The following TJP1 variants were observed in gnomAD, a reference collection of about 807,000 sequenced individuals.
TJP1 encodes tight junction protein ZO-1.
TJP1 carries 43 observed loss-of-function variants against 194.2 expected under a neutral mutation model. The observed-to-expected ratio is 0.22, with a 90% CI of 0.17 to 0.29. The LOEUF (loss-of-function observed/expected upper bound fraction) is 0.29, where lower values mean the gene tolerates loss of function less well. Ranked by LOEUF, TJP1 falls within the 10% of genes least tolerant of loss-of-function variation. The pLI is 1.00. For missense variants in TJP1, 1,971 were observed against 2,185.7 expected (o/e 0.90, Z 1.96); for synonymous variants, 801 against 779.0 (o/e 1.03, Z -0.47).
chr15:29,711,980 TA>T (rs2042272238), intron 23 of TJP1, among the ~76,000 whole-genome samples: 1 of 152,252 alleles, frequency 6.6e-6, no homozygotes, highest in African/African-American at 2.4e-5. Context: ...GATCCTGCTT[TA>T]TTTTACAAGG....
intron 2 of TJP1, among the ~76,000 whole-genome samples, chr15:29,792,421 T>C (rs2048154570): frequency 6.6e-6 from 1 of 152,206 alleles, no homozygotes; most frequent in Non-Finnish European, 1.5e-5. Flanking sequence ...TGTGGATTTT[T>C]TTCTGGGCTC....
intron 2 of TJP1, among the ~76,000 whole-genome samples, chr15:29,874,393 G>A (rs931079452): frequency 1.1e-4 from 16 of 152,246 alleles, no homozygotes; most frequent in East Asian, 5.8e-4. Context: ...CAGTAAGGGC[G>A]GAGGGCAAAC....
At chr15:29,807,398 G>A (rs1285894956) in intron 1 of TJP1, among the ~76,000 whole-genome samples, 3 of 152,150 alleles carry the variant, frequency 2.0e-5, no homozygotes, top group Middle Eastern at 3.2e-3. Context: ...AATCTAGAGT[G>A]CTTTCAAGTT....
At chr15:29,720,953 C>A (rs2042892882) in intron 18 of TJP1, among the ~76,000 whole-genome samples, 1 of 152,148 alleles carries the variant, frequency 6.6e-6, no homozygotes, top group Non-Finnish European at 1.5e-5. Flanking sequence ...CAAAGTTAGA[C>A]TCCAGGGCCC....
rs200176897 is a variant in TJP1 at position 29,705,739 on chromosome 15, T to C, written c.4857A>G (p.Ser1619=). 45 of 1,613,962 alleles carry C rather than the reference T, an allele frequency of 2.8e-5. No individual in the cohort carries two copies. Among genetic ancestry groups the C allele is most frequent in the Middle Eastern group, 3.3e-4 (2 of 6,084 alleles). Residue 1619 remains serine (S), a synonymous_variant, in exon 26 of 28, where the codon TCA becomes TCG. Coordinates refer to ENST00000614355, the MANE Select transcript of TJP1 (RefSeq NM_001330239.4). ...CTTCATCTTCATCCTCTTCCACAGC[T>C]GAAGGACTGAAAGTTCAGAAATGGC... ...TVPKAIPVSP[S]AVEEDEDEDG...
chr15:29,727,400 A>G (rs989915131), intron 16 of TJP1, among the ~76,000 whole-genome samples: 1 of 152,192 alleles, frequency 6.6e-6, no homozygotes, highest in Non-Finnish European at 1.5e-5. Context: ...ACATTCAGAA[A>G]AAGTCAAAAG....
At chr15:29,967,189 T>A (rs1332220530) in intron 1 of TJP1, among the ~76,000 whole-genome samples, 1 of 151,870 alleles carries the variant, frequency 6.6e-6, no homozygotes, top group Non-Finnish European at 1.5e-5. Context: ...AATTTTGTAT[T>A]TTTTTGGTTT....
At chr15:29,788,890 G>A (rs1416717586) in intron 2 of TJP1, among the ~76,000 whole-genome samples, 2 of 152,088 alleles carry the variant, frequency 1.3e-5, no homozygotes, top group Non-Finnish European at 2.9e-5. Context: ...CAGGAGAGGT[G>A]AACACATGTG....
chr15:29,803,959 C>T (rs2048953137), intron 1 of TJP1, among the ~76,000 whole-genome samples: 1 of 151,698 alleles, frequency 6.6e-6, no homozygotes, highest in Non-Finnish European at 1.5e-5. Flanking sequence ...TGGTTAGGCT[C>T]TTGACCAGCC....
intron 2 of TJP1, among the ~76,000 whole-genome samples, chr15:29,928,514 A>G (rs1417718780): frequency 1.3e-5 from 2 of 152,218 alleles, no homozygotes; most frequent in African/African-American, 4.8e-5. Context: ...CAGTGACTCT[A>G]TGGCAAGGTT....
At chr15:29,961,393 C>CT (rs1228812076) in intron 1 of TJP1, among the ~76,000 whole-genome samples, 2 of 123,572 alleles carry the variant, frequency 1.6e-5, no homozygotes, top group African/African-American at 6.1e-5. Flanking sequence ...CCAGGCCGGA[C>CT]TGCGGACTGC....
intron 2 of TJP1, among the ~76,000 whole-genome samples, chr15:29,898,795 T>C (rs188944535): frequency 2.6e-5 from 4 of 152,336 alleles, no homozygotes. Flanking sequence ...AAATTCAACA[T>C]ACTTTTTCAC....
At chr15:29,712,136 G>A (rs1428737342) in intron 23 of TJP1, among the ~76,000 whole-genome samples, 1 of 152,174 alleles carries the variant, frequency 6.6e-6, no homozygotes, top group African/African-American at 2.4e-5. Context: ...TGCCAAAGCT[G>A]CACTAGCTTT....
chr15:29,800,806 C>A (rs2048734107), intron 1 of TJP1, 104 bp from the exon 2 acceptor site: 2 of 1,123,452 alleles, frequency 1.8e-6, no homozygotes, highest in Admixed American at 2.0e-5. Context: ...TACCAAAATT[C>A]ACAGTTAATA....
At chr15:29,957,295 T>C (rs2152315395) in intron 1 of TJP1, among the ~76,000 whole-genome samples, 2 of 152,296 alleles carry the variant, frequency 1.3e-5, no homozygotes, top group Middle Eastern at 3.4e-3. Context: ...GGCTACAGTT[T>C]AGAATAAAAG....
At chr15:29,790,754 T>TC (rs1323648248) in intron 2 of TJP1, among the ~76,000 whole-genome samples, 2 of 149,702 alleles carry the variant, frequency 1.3e-5, no homozygotes, top group Non-Finnish European at 3.0e-5. Context: ...CATTTTTCTT[T>TC]TTTTTTTTTT....
At chr15:29,915,604 A>G (rs1047256295) in intron 2 of TJP1, among the ~76,000 whole-genome samples, 1 of 152,232 alleles carries the variant, frequency 6.6e-6, no homozygotes, top group Non-Finnish European at 1.5e-5. Context: ...ACCATTGCCA[A>G]ATCTTCCTTC....
chr15:29,949,272 C>T (rs1366535685), intron 2 of TJP1, among the ~76,000 whole-genome samples: 7 of 115,470 alleles, frequency 6.1e-5, no homozygotes, highest in South Asian at 3.0e-4. Context: ...ACCACCACCT[C>T]CATCACCTCC....
At chr15:29,887,544 G>C (rs755802801) in intron 2 of TJP1, among the ~76,000 whole-genome samples, 1 of 151,474 alleles carries the variant, frequency 6.6e-6, no homozygotes, top group Non-Finnish European at 1.5e-5. Flanking sequence ...CAGATGATCC[G>C]CCCACCTCGG....
Sources: allele counts gnomAD v4.1 joint callset (sites outside exome capture counted in the v4.1 genomes callset), GRCh38; gene constraint gnomAD v4.1.1; transcripts MANE v1.5; gene names NCBI Gene and HGNC (gene_info 2026-07-23, HGNC 2026-07-21).